CMTM4: variants seen among roughly 807,000 people sequenced by gnomAD.
CMTM4 encodes CKLF-like MARVEL transmembrane domain-containing protein 4.
In CMTM4, 8 loss-of-function variants were observed where a neutral mutation model predicts 19.0. That is an observed-to-expected ratio of 0.42 (90% CI 0.25 to 0.76). The LOEUF (loss-of-function observed/expected upper bound fraction) is 0.76, where lower values mean the gene tolerates loss of function less well. Ranked by LOEUF, CMTM4 falls within the 30% of genes least tolerant of loss-of-function variation. The pLI, the probability that CMTM4 is intolerant of heterozygous loss-of-function variation, is 0.27. For missense variants in CMTM4, 228 were observed against 290.2 expected (o/e 0.79, Z 1.56); for synonymous variants, 106 against 121.1 (o/e 0.88, Z 0.82).
At chr16:66,668,080 G>A (rs2016635311) in intron 1 of CMTM4, among the ~76,000 whole-genome samples, 1 of 151,944 alleles carries the variant, frequency 6.6e-6, no homozygotes, top group South Asian at 2.1e-4. Context: ...ATTGCTCACT[G>A]AAGCCTCCAA....
chr16:66,630,156 T>C (rs1483730010), intron 2 of CMTM4, among the ~76,000 whole-genome samples: 1 of 151,876 alleles, frequency 6.6e-6, no homozygotes, highest in Non-Finnish European at 1.5e-5. Flanking sequence ...GTGGGATCTG[T>C]GCTAACTCCG....
chr16:66,603,259 C>A, the CMTM4 span, among the ~76,000 whole-genome samples: 4 of 151,982 alleles, frequency 2.6e-5, no homozygotes, highest in African/African-American at 9.7e-5. Flanking sequence ...TCTTTGTGTC[C>A]TTATGTGGTT....
chr16:66,636,278 A>T, intron 2 of CMTM4, 127 bp downstream of exon 2: 1 of 689,442 alleles, frequency 1.5e-6, no homozygotes, highest in Admixed American at 3.3e-5. Context: ...TTCACAGTTG[A>T]ATTATAATAG....
At chr16:66,602,034 C>A in the CMTM4 span, among the ~76,000 whole-genome samples, 1 of 152,220 alleles carries the variant, frequency 6.6e-6, no homozygotes, top group African/African-American at 2.4e-5. Context: ...AGCAGGTTGT[C>A]TGGAGCCACG....
intron 1 of CMTM4, among the ~76,000 whole-genome samples, chr16:66,682,770 C>A (rs531628166): frequency 6.6e-6 from 1 of 152,090 alleles, no homozygotes; most frequent in East Asian, 1.9e-4. Flanking sequence ...AGCTTCAATG[C>A]CAGTTGTGAC....
intron 1 of CMTM4, among the ~76,000 whole-genome samples, chr16:66,658,283 G>A (rs1446399122): frequency 6.6e-6 from 1 of 150,658 alleles, no homozygotes; most frequent in Non-Finnish European, 1.5e-5. Context: ...CAGGGAGGGA[G>A]GGAGGGGAGG....
chr16:66,623,631 A>G (rs2015681002), intron 2 of CMTM4, 129 bp from the exon 3 acceptor site: 2 of 589,204 alleles, frequency 3.4e-6, no homozygotes, highest in South Asian at 4.6e-5. Flanking sequence ...TTCAGTCTCA[A>G]TGTCACAGGG....
the CMTM4 span, among the ~76,000 whole-genome samples, chr16:66,607,511 C>T: frequency 1.3e-5 from 2 of 152,198 alleles, no homozygotes; most frequent in Non-Finnish European, 1.5e-5. Context: ...TATCTTTTAA[C>T]ACAAAATAAA....
rs2015530700 is a variant in CMTM4, at chr16:66,616,656, G to A, written c.*5402C>T. On this transcript the variant is annotated 3_prime_UTR_variant, in exon 4 of 4. Coordinates refer to ENST00000394106, the MANE Select transcript of CMTM4 (RefSeq NM_181521.3). ...GCCTTCCTCACTTCTGCGAAGAGGG[G>A]AACAGAATCTTGAAGCTTGCAAAAT... 6.6e-6 allele frequency: 1 copy of A among 152,156 alleles called. No individual in the cohort carries two copies. Among genetic ancestry groups the A allele is most frequent in the African/African-American group, 2.4e-5 (1 of 41,412 alleles). 9.4% of individuals were successfully genotyped at this position (152,156 alleles called of 1,614,324 possible).
chr16:66,604,696 C>A, the CMTM4 span: 4 of 867,588 alleles, frequency 4.6e-6, no homozygotes, highest in Non-Finnish European at 3.0e-6. Flanking sequence ...TGCGCCCCTG[C>A]GCGAGCCAGT....
intron 1 of CMTM4, among the ~76,000 whole-genome samples, chr16:66,637,700 G>A (rs563586712): frequency 1.3e-5 from 2 of 152,300 alleles, no homozygotes; most frequent in South Asian, 2.1e-4. Flanking sequence ...GCCCAAAGGC[G>A]GAGTTAATGG....
intron 1 of CMTM4, among the ~76,000 whole-genome samples, chr16:66,652,582 C>T (rs950400725): frequency 3.3e-5 from 5 of 152,176 alleles, no homozygotes; most frequent in African/African-American, 1.2e-4. Flanking sequence ...TCACCTTCAA[C>T]GTAAATTTTC....
Position 66,615,361 on chromosome 16 carries a change from T to C in CMTM4, c.*6697A>G, listed in dbSNP as rs2015505788. The C allele has an allele frequency of 6.6e-6, 1 of 152,224 alleles. No homozygotes were observed. Among genetic ancestry groups the C allele is most frequent in the South Asian group, 2.1e-4 (1 of 4,834 alleles). The allele number at this position is 152,224 out of a possible 1,614,324, so 9.4% of individuals were successfully genotyped here. A position where few individuals can be genotyped will look rare whatever the true frequency, so the allele number is the denominator to read the frequency against. On this transcript the variant is annotated 3_prime_UTR_variant, in exon 4 of 4. Coordinates refer to ENST00000394106, the MANE Select transcript of CMTM4 (RefSeq NM_181521.3). This position sits in a 1 kb window ranked among gnomAD's most constrained non-coding sequence, Gnocchi z 4.9. ...TTTATGTTTCAATCCATCTGTACCT[T>C]CATTTGCAATGGCTCAGCTAGTTTA...
chr16:66,645,414 C>G (rs1420013103), intron 1 of CMTM4, among the ~76,000 whole-genome samples: 1 of 151,802 alleles, frequency 6.6e-6, no homozygotes, highest in Non-Finnish European at 1.5e-5. Context: ...CCTGTCTCTA[C>G]TAAAAATACA....
intron 1 of CMTM4, among the ~76,000 whole-genome samples, chr16:66,667,669 C>T (rs2016623846): frequency 1.3e-5 from 2 of 152,190 alleles, no homozygotes; most frequent in Admixed American, 6.5e-5. Context: ...GTGGGCAGAT[C>T]ACGAGGTCAG....
intron 1 of CMTM4, among the ~76,000 whole-genome samples, chr16:66,668,699 T>C (rs2016648852): frequency 6.6e-6 from 1 of 152,208 alleles, no homozygotes; most frequent in African/African-American, 2.4e-5. Flanking sequence ...AGCTTTTGAC[T>C]ATTACCTTAA....
At chr16:66,691,587 G>A (rs1357497515) in intron 1 of CMTM4, among the ~76,000 whole-genome samples, 2 of 152,188 alleles carry the variant, frequency 1.3e-5, no homozygotes, top group African/African-American at 4.8e-5. Context: ...TGTAGTCCCA[G>A]CTAGTTGGAG....
At chr16:66,649,594 T>C (rs1307280780) in intron 1 of CMTM4, among the ~76,000 whole-genome samples, 3 of 152,162 alleles carry the variant, frequency 2.0e-5, no homozygotes, top group Admixed American at 6.6e-5. Context: ...TTATATCACC[T>C]GGTGTCCTGC....
intron 1 of CMTM4, among the ~76,000 whole-genome samples, chr16:66,654,893 G>C (rs1285543758): frequency 6.6e-6 from 1 of 152,278 alleles, no homozygotes; most frequent in Middle Eastern, 3.4e-3. Context: ...ATGTGAAAGG[G>C]CCAACAGAGC....
Sources: gnomAD v4.1 joint callset for allele counts (sites outside exome capture counted in the v4.1 genomes callset) on GRCh38, gnomAD v4.1.1 for gene constraint, Gnocchi (gnomAD v3.1) non-coding constraint, MANE v1.5 for transcripts, NCBI Gene and HGNC (gene_info 2026-07-23, HGNC 2026-07-21) for gene names.